CROCC: variants seen among roughly 807,000 people sequenced by gnomAD.
CROCC encodes ciliary rootlet coiled-coil, rootletin.
CROCC carries 180 observed loss-of-function variants against 245.2 expected under a neutral mutation model. The ratio of observed to expected loss-of-function variants is 0.73; its 90% CI spans 0.65 to 0.83. The LOEUF (loss-of-function observed/expected upper bound fraction) is 0.83. Ranked by LOEUF, CROCC falls within the 40% of genes least tolerant of loss-of-function variation. The probability of loss-of-function intolerance (pLI) is 0.00; values close to 1 mark genes in which losing one functional copy is unlikely to be tolerated. For synonymous variants in CROCC, 1,205 were observed against 1,241.6 expected (o/e 0.97, Z 0.62); for missense variants, 2,688 against 2,779.4 (o/e 0.97, Z 0.74).
intron 27 of CROCC, 106 bp downstream of exon 27, chr1:16,961,236 A>G: frequency 2.6e-6 from 3 of 1,147,230 alleles, no homozygotes; most frequent in Non-Finnish European, 3.3e-6. Flanking sequence ...TTTTTTTTCA[A>G]GGAGCCCACC....
Position 16,948,325 on chromosome 1 carries a change from G to T in CROCC, c.2515-6G>T. 1 of 1,557,698 alleles carries T rather than the reference G, an allele frequency of 6.4e-7. No individual in the cohort carries two copies. Among genetic ancestry groups the T allele is most frequent in the Non-Finnish European group, 8.6e-7 (1 of 1,157,132 alleles). Reference sequence around the variant, plus strand: ...GAGTGCTACTCAGTCTCTGGGTGGGGGCCAGCTCTCCCGGCAGCTGAGCGG... The same window carrying T: ...GAGTGCTACTCAGTCTCTGGGTGGGTGCCAGCTCTCCCGGCAGCTGAGCGG... On this transcript the variant is annotated splice_polypyrimidine_tract_variant and splice_region_variant and intron_variant, in intron 17 of 36. Transcript: ENST00000375541.
At chr1:16,915,629 G>C (rs2075293926) in intron 1 of CROCC, among the ~76,000 whole-genome samples, 1 of 150,380 alleles carries the variant, frequency 6.6e-6, no homozygotes, top group African/African-American at 2.4e-5. Flanking sequence ...AACAGAGCAA[G>C]ACCTTGTCTC....
chr1:16,972,511 G>GCCCC lies in CROCC; in HGVS notation c.*69_*72dup, dbSNP rs36118977. The GCCCC allele has an allele frequency of 1.1e-3, 938 of 820,022 alleles. 3 individuals are homozygous for GCCCC. The African/African-American group carries it at 0.015, about 13-fold the overall frequency. The allele number at this position is 820,022 out of a possible 1,614,324, so 50.8% of individuals were successfully genotyped here. ...CAGGGGAGGACCCTTCTTTTGGACA[G>GCCCC]CCCCCCCACCCAGAGCCCGGTCCCT... On this transcript the variant is annotated 3_prime_UTR_variant, in exon 37 of 37. Transcript: ENST00000375541.
rs1035436435 is a variant in CROCC, at chr1:16,955,611, C to A, written c.3704+61C>A. The A allele has an allele frequency of 3.0e-6, 4 of 1,350,406 alleles. No homozygotes were observed. In the African/African-American group the frequency reaches 5.8e-5, roughly 20 times the overall value. 83.7% of individuals were successfully genotyped at this position (1,350,406 alleles called of 1,614,324 possible). ...ATGGGATCCCATCCCTGAAACCTAA[C>A]TTCACCCCCAACGTTCTGGGGAAAT... On this transcript the variant is annotated intron_variant, in intron 24 of 36. Transcript: ENST00000375541.
rs753053196 is a variant in CROCC, at chr1:16,931,293, C to T, written c.852C>T (p.Ser284=). 5.0e-6 allele frequency: 8 copies of T among 1,610,172 alleles called. No homozygotes were observed. The Admixed American group carries it at 5.0e-5, about 10-fold the overall frequency. ...REAAWRREEE[S]FNAYFSNEHS... ...CCCTCGGCATGTCTTCCCTCCAGTC[C>T]TTCAACGCCTACTTCAGCAACGAGC... The change falls in exon 8 of 37, where the codon TCC becomes TCT. Residue 284 remains serine, a splice_region_variant and synonymous_variant. Coordinates refer to ENST00000375541, the MANE Select transcript of CROCC (RefSeq NM_014675.5).
At chr1:16,921,065 T>C (rs1289911097), upstream of CROCC, among the ~76,000 whole-genome samples, 2 of 152,392 alleles carry the variant, frequency 1.3e-5, no homozygotes, top group East Asian at 3.8e-4. Context: ...TTCTGGATTT[T>C]CAAATGAATG....
At position 16,930,104 on chromosome 1, in the gene CROCC, C is replaced by G. The variant is rs746441825; in HGVS notation, c.538-20C>G. 4.5e-5 allele frequency: 71 copies of G among 1,582,166 alleles called. No homozygotes were observed. In the South Asian group the frequency reaches 7.9e-4, roughly 18 times the overall value. On this transcript the variant is annotated intron_variant, in intron 4 of 36. Transcript: ENST00000375541. The stretch of plus-strand genomic sequence containing the variant: ...CCCCGCCCCAACCCCTGGGGCTCAC[C>G]ATCAGCTCCCCATCCCCAGATTCTC...
At chr1:16,946,500 C>T (rs1189069706) in intron 16 of CROCC, 95 bp downstream of exon 16, 11 of 1,487,584 alleles carry the variant, frequency 7.4e-6, no homozygotes, top group African/African-American at 1.4e-5. Context: ...GTCTTGGCCC[C>T]TGCCTCCCTT....
At chr1:16,919,730 G>A (rs1309917273), upstream of CROCC, among the ~76,000 whole-genome samples, 1 of 152,402 alleles carries the variant, frequency 6.6e-6, no homozygotes, top group South Asian at 2.1e-4. Context: ...GGTGTGGTAG[G>A]TACTATCAGT....
chr1:16,969,166 G>A lies in CROCC; in HGVS notation c.5127G>A (p.Arg1709=), dbSNP rs1168393397. Reference sequence around the variant, plus strand: ...GGACCCTGCAGCTGACCGTGGAGCGGCTGAATGGGGCCCTGGCTAAGGTGG... The same window carrying A: ...GGACCCTGCAGCTGACCGTGGAGCGACTGAATGGGGCCCTGGCTAAGGTGG... The part of the protein sequence containing the change: ...KAGTLQLTVE[R]LNGALAKVEE... The change falls in exon 32 of 37, where the codon CGG becomes CGA. Residue 1709 remains arginine (R), a synonymous_variant. Coordinates refer to ENST00000375541, the MANE Select transcript of CROCC (RefSeq NM_014675.5). The A allele has an allele frequency of 2.5e-6, 4 of 1,610,432 alleles. No homozygotes were observed. Among genetic ancestry groups the A allele is most frequent in the Non-Finnish European group, 3.4e-6 (4 of 1,178,664 alleles).
intron 2 of CROCC, among the ~76,000 whole-genome samples, chr1:16,923,646 T>C (rs6683721): frequency 0.097 from 14,461 of 148,928 alleles, 126 homozygotes; most frequent in African/African-American, 0.15. Context: ...GATGCTTTTC[T>C]GGGAGGATCT....
intron 13 of CROCC, among the ~76,000 whole-genome samples, chr1:16,941,676 G>C (rs1467988159): frequency 6.6e-6 from 1 of 151,796 alleles, no homozygotes; most frequent in East Asian, 1.9e-4. Flanking sequence ...AGCTGGCAGC[G>C]AGCCGAGATG....
chr1:16,945,031 C>A (rs1320107915), intron 14 of CROCC, among the ~76,000 whole-genome samples: 35 of 152,266 alleles, frequency 2.3e-4, no homozygotes, highest in African/African-American at 3.4e-4. Context: ...TCAGGAGTTC[C>A]AGACCAGCCT....
intron 15 of CROCC, 147 bp downstream of exon 15, chr1:16,945,753 C>G (rs1468176765): frequency 2.7e-5 from 25 of 941,522 alleles, no homozygotes; most frequent in Admixed American, 7.8e-5. Flanking sequence ...ACAGGCTGAT[C>G]TTTGTCACAG....
intron 2 of CROCC, among the ~76,000 whole-genome samples, chr1:16,923,904 C>A (rs2075468721): frequency 6.6e-6 from 1 of 152,278 alleles, no homozygotes; most frequent in African/African-American, 2.4e-5. Context: ...TAGTCTCAAA[C>A]TCCTGACCTC....
chr1:16,934,497 C>T (rs1362078056), intron 8 of CROCC, among the ~76,000 whole-genome samples: 5 of 152,226 alleles, frequency 3.3e-5, no homozygotes, highest in Non-Finnish European at 7.3e-5. Flanking sequence ...GAGACAGGGT[C>T]TTGCCATGTT....
chr1:16,954,494 T>A lies in CROCC; in HGVS notation c.3321+137T>A. 7.6e-7 allele frequency: 1 copy of A among 1,309,512 alleles called. No individual in the cohort carries two copies. The highest frequency in any genetic ancestry group is 2.5e-5 in the East Asian group (1 of 39,712). 81.1% of individuals were successfully genotyped at this position (1,309,512 alleles called of 1,614,324 possible). A position where few individuals can be genotyped will look rare whatever the true frequency, so the allele number is the denominator to read the frequency against. ...GGGAAAGGAGGTTTAGCCCTTCTTTTGGGAGCCCCCATCTGAGGGAGGTGG... is the reference window on the plus strand; with the variant it reads ...GGGAAAGGAGGTTTAGCCCTTCTTTAGGGAGCCCCCATCTGAGGGAGGTGG... On this transcript the variant is annotated intron_variant, in intron 22 of 36. Coordinates refer to ENST00000375541, the MANE Select transcript of CROCC (RefSeq NM_014675.5). The surrounding 1 kb of genome is among the most constrained non-coding windows in gnomAD (Gnocchi z 4.4).
At position 16,970,721 on chromosome 1, in the gene CROCC, C is replaced by T; in HGVS notation, c.5738C>T (p.Ala1913Val). The T allele has an allele frequency of 6.2e-7, 1 of 1,605,416 alleles. No individual in the cohort carries two copies. The highest frequency in any genetic ancestry group is 8.5e-7 in the Non-Finnish European group (1 of 1,176,514). The change falls in exon 35 of 37, where the codon GCT becomes GTT. Residue 1913 changes from alanine to valine, a missense_variant. Transcript: ENST00000375541. Reference protein sequence around the residue: ...KGRLDRTLTGAELELAEAQRQ... With the variant: ...KGRLDRTLTGVELELAEAQRQ... ...CGCCTGGACCGCACCCTCACGGGGG[C>T]TGAGCTGGAGCTGGCAGAGGCGCAG...
intron 15 of CROCC, 27 bp from the exon 16 acceptor site, chr1:16,946,232 C>T (rs2076042355): frequency 3.7e-6 from 6 of 1,605,688 alleles, no homozygotes; most frequent in Non-Finnish European, 1.7e-6. Flanking sequence ...TCTGCCTTTC[C>T]TCATTTCTCG....
Sources: allele counts gnomAD v4.1 joint callset (sites outside exome capture counted in the v4.1 genomes callset), GRCh38; gene constraint gnomAD v4.1.1; non-coding constraint Gnocchi (gnomAD v3.1); transcripts MANE v1.5; gene names NCBI Gene and HGNC (gene_info 2026-07-23, HGNC 2026-07-21).